SHISA9: variants seen among roughly 807,000 people sequenced by gnomAD.
SHISA9 encodes the protein protein shisa-9.
SHISA9 carries 13 observed loss-of-function variants against 38.0 expected under a neutral mutation model. The observed-to-expected ratio is 0.34, with a 90% confidence interval of 0.22 to 0.54. The LOEUF (loss-of-function observed/expected upper bound fraction) is 0.54, where lower values mean the gene tolerates loss of function less well. Among genes scored for constraint, SHISA9 ranks in the 20% least tolerant of loss-of-function variants. SHISA9 has a pLI of 0.91. For missense variants in SHISA9, 538 were observed against 575.8 expected, an observed-to-expected ratio of 0.93 and a Z score of 0.67; for synonymous variants, 275 against 242.0, an observed-to-expected ratio of 1.14 and a Z score of -1.27.
intron 2 of SHISA9, among the ~76,000 whole-genome samples, chr16:13,172,500 C>T (rs2050695182): frequency 6.6e-6 from 1 of 152,184 alleles, no homozygotes; most frequent in African/African-American, 2.4e-5. Flanking sequence ...ATATGTGCAA[C>T]CATCTTGACT....
intron 2 of SHISA9, among the ~76,000 whole-genome samples, chr16:13,059,849 A>G (rs998729215): frequency 6.6e-6 from 1 of 152,106 alleles, no homozygotes; most frequent in African/African-American, 2.4e-5. Context: ...AGACACAGGG[A>G]GAAGGCAGCC....
At chr16:13,198,362 ATGTG>A in intron 2 of SHISA9, among the ~76,000 whole-genome samples, 1 of 151,214 alleles carries the variant, frequency 6.6e-6, no homozygotes, top group East Asian at 1.9e-4. Flanking sequence ...ATATACTTGT[ATGTG>A]TATGTACATA....
At chr16:12,945,853 G>A (rs1032824177) in intron 2 of SHISA9, among the ~76,000 whole-genome samples, 3 of 152,066 alleles carry the variant, frequency 2.0e-5, no homozygotes, top group Admixed American at 6.5e-5. Context: ...CTCCCCCAGA[G>A]CAACGAGATG....
At chr16:13,389,888 C>T in the SHISA9 span, among the ~76,000 whole-genome samples, 9 of 152,198 alleles carry the variant, frequency 5.9e-5, no homozygotes, top group South Asian at 2.1e-4. Flanking sequence ...GGCACTCTTG[C>T]GTAGGATGGG....
At chr16:12,918,235 G>C (rs1305817400) in intron 2 of SHISA9, among the ~76,000 whole-genome samples, 1 of 152,140 alleles carries the variant, frequency 6.6e-6, no homozygotes, top group Non-Finnish European at 1.5e-5. Context: ...CACGGCAGTT[G>C]CTGTGTCCGA....
the SHISA9 span, among the ~76,000 whole-genome samples, chr16:13,320,799 G>GACTAAAT: frequency 6.6e-6 from 1 of 152,210 alleles, no homozygotes; most frequent in Admixed American, 6.5e-5. Context: ...TTCACAGCTG[G>GACTAAAT]ACTAAATATG....
the SHISA9 span, among the ~76,000 whole-genome samples, chr16:13,271,417 C>T: frequency 1.2e-4 from 19 of 152,114 alleles, no homozygotes; most frequent in Non-Finnish European, 5.9e-5. Context: ...TTTAAAAAAG[C>T]ACTCAGGTTG....
the SHISA9 span, among the ~76,000 whole-genome samples, chr16:13,329,926 A>G: frequency 1.3e-5 from 2 of 151,972 alleles, no homozygotes; most frequent in Admixed American, 1.3e-4. Context: ...ATATCCAATA[A>G]ATCGTCCCCC....
At chr16:13,372,353 G>C in the SHISA9 span, among the ~76,000 whole-genome samples, 2 of 152,216 alleles carry the variant, frequency 1.3e-5, no homozygotes, top group African/African-American at 4.8e-5. Context: ...GAGGGACAAG[G>C]TCCCTGTCCC....
the SHISA9 span, among the ~76,000 whole-genome samples, chr16:13,408,852 G>A: frequency 6.6e-6 from 1 of 152,222 alleles, no homozygotes. Flanking sequence ...AGTCATCCCT[G>A]TAATACAGAC....
chr16:13,527,189 A>T, the SHISA9 span, among the ~76,000 whole-genome samples: 2 of 152,210 alleles, frequency 1.3e-5, no homozygotes, highest in African/African-American at 4.8e-5. Flanking sequence ...CTGGATCCTC[A>T]TCATGAGTAA....
the SHISA9 span, among the ~76,000 whole-genome samples, chr16:13,467,603 C>T: frequency 6.6e-6 from 1 of 152,328 alleles, no homozygotes; most frequent in African/African-American, 2.4e-5. Context: ...AATCCCCTCT[C>T]ATATATCTGA....
intron 2 of SHISA9, among the ~76,000 whole-genome samples, chr16:13,098,108 T>G (rs910394053): frequency 4.6e-5 from 7 of 152,212 alleles, no homozygotes. Flanking sequence ...TGAAGTCACC[T>G]GTCCCAGGTT....
chr16:12,944,593 A>G (rs919064011), intron 2 of SHISA9, among the ~76,000 whole-genome samples: 1 of 152,176 alleles, frequency 6.6e-6, no homozygotes. Flanking sequence ...GGCAGCAGGC[A>G]TAGAGGTTTG....
At chr16:13,211,207 G>C (rs1284072036) in intron 3 of SHISA9, among the ~76,000 whole-genome samples, 1 of 151,838 alleles carries the variant, frequency 6.6e-6, no homozygotes, top group Non-Finnish European at 1.5e-5. Context: ...TGAGGCAGGA[G>C]AATCACTTGA....
chr16:13,365,954 T>A, the SHISA9 span, among the ~76,000 whole-genome samples: 1 of 152,022 alleles, frequency 6.6e-6, no homozygotes, highest in Admixed American at 6.6e-5. Context: ...TCAGTAAGTT[T>A]CCCCTAAGGA....
chr16:13,317,307 G>T, the SHISA9 span, among the ~76,000 whole-genome samples: 3 of 152,274 alleles, frequency 2.0e-5, no homozygotes, highest in South Asian at 6.2e-4. Context: ...TCCTAAAGTC[G>T]TGTCACAAAA....
chr16:13,398,254 CG>C, the SHISA9 span, among the ~76,000 whole-genome samples: 2 of 152,066 alleles, frequency 1.3e-5, no homozygotes, highest in Non-Finnish European at 2.9e-5. Context: ...GGCACAAACC[CG>C]GGGGTGGAGC....
In SHISA9 at chr16:12,927,494, G is replaced by C. The variant is rs1190885538; in HGVS notation, c.691+10679G>C. Among the ~76,000 whole-genome samples, 11 of 152,070 alleles carry C rather than the reference G, an allele frequency of 7.2e-5. 1 individual carries two copies. Among genetic ancestry groups the C allele is most frequent in the Admixed American group, 7.2e-4 (11 of 15,268 alleles). Reference sequence around the variant, plus strand: ...GCTCACTGCAGTGTTACCCTCCTGGGTTCACGTGATCTGCCCACCTCAACC... The same window carrying C: ...GCTCACTGCAGTGTTACCCTCCTGGCTTCACGTGATCTGCCCACCTCAACC... On this transcript the variant is annotated intron_variant, in intron 2 of 4. Coordinates refer to ENST00000558583, the MANE Select transcript of SHISA9 (RefSeq NM_001145204.3).
Sources: gnomAD v4.1 joint callset for allele counts (sites outside exome capture counted in the v4.1 genomes callset) on GRCh38, gnomAD v4.1.1 for gene constraint, MANE v1.5 for transcripts, NCBI Gene and HGNC (gene_info 2026-07-23, HGNC 2026-07-21) for gene names.